Variants in GALNT17 observed in about 807,000 individuals in gnomAD.
GALNT17 encodes the protein polypeptide N-acetylgalactosaminyltransferase 17, also known as UDP-GalNAc:polypeptide N-acetylgalactosaminyltransferase-like 3.
In GALNT17, 29 loss-of-function variants were observed where a neutral mutation model predicts 63.7. The observed-to-expected ratio is 0.46, with a 90% confidence interval of 0.34 to 0.62. The LOEUF is 0.62. GALNT17 is among the 20% of genes least tolerant of loss of function. The probability of loss-of-function intolerance (pLI) is 0.01; values close to 1 mark genes in which losing one functional copy is unlikely to be tolerated. For missense variants in GALNT17, 603 were observed against 799.6 expected, an observed-to-expected ratio of 0.75 and a Z score of 2.97; for synonymous variants, 305 against 318.3, an observed-to-expected ratio of 0.96 and a Z score of 0.45.
chr7:71,388,295 G>A lies in GALNT17; in HGVS notation c.483G>A (p.Val161=). The A allele has an allele frequency of 1.2e-6, 2 of 1,613,984 alleles. No homozygotes were observed. The highest frequency in any genetic ancestry group is 1.7e-6 in the Non-Finnish European group (2 of 1,180,012). The change falls in exon 3 of 11, where the codon GTG becomes GTA. Residue 161 remains valine (V), a synonymous_variant. Transcript: ENST00000333538. ...AGATATCCATCATATTCATCTTCGT[G>A]AACGAGGCCCTGTCGGTGATCCTGC... ...LPQISIIFIF[V]NEALSVILRS...
At chr7:71,467,175 T>C (rs111317859) in intron 5 of GALNT17, among the ~76,000 whole-genome samples, 1,545 of 152,300 alleles carry the variant, frequency 0.01, 18 homozygotes, top group African/African-American at 0.035. Flanking sequence ...TAAGTCTAGT[T>C]CCTCTTTCAA....
intron 1 of GALNT17, among the ~76,000 whole-genome samples, chr7:71,242,139 C>T (rs1336554141): frequency 5.3e-5 from 8 of 151,852 alleles, no homozygotes; most frequent in Non-Finnish European, 8.8e-5. Context: ...GGAGCAAGAA[C>T]TTGCTCAATT....
At chr7:71,437,141 C>T (rs187847107) in intron 5 of GALNT17, among the ~76,000 whole-genome samples, 5 of 151,944 alleles carry the variant, frequency 3.3e-5, no homozygotes, top group East Asian at 1.9e-4. Context: ...CATGCAACCA[C>T]GGATGGTCAA....
At chr7:71,189,764 A>G (rs1209031301) in intron 1 of GALNT17, among the ~76,000 whole-genome samples, 4 of 151,452 alleles carry the variant, frequency 2.6e-5, no homozygotes, top group Admixed American at 2.0e-4. Context: ...CCTGTCCTGC[A>G]GGCTTGTTTG....
intron 3 of GALNT17, among the ~76,000 whole-genome samples, chr7:71,404,076 G>A (rs980360845): frequency 2.6e-5 from 4 of 152,194 alleles, no homozygotes; most frequent in Non-Finnish European, 4.4e-5. Context: ...AAATTGGGGA[G>A]ACAACTTGGA....
At chr7:71,229,548 A>G (rs1789748752) in intron 1 of GALNT17, among the ~76,000 whole-genome samples, 1 of 152,242 alleles carries the variant, frequency 6.6e-6, no homozygotes, top group East Asian at 1.9e-4. Context: ...GGCCAAAGCA[A>G]GGAAATCTAC....
At chr7:71,552,396 A>G (rs1584044477) in intron 5 of GALNT17, among the ~76,000 whole-genome samples, 1 of 149,410 alleles carries the variant, frequency 6.7e-6, no homozygotes, top group Non-Finnish European at 1.5e-5. Context: ...TGATACTTTT[A>G]GTTCTCCTAA....
At chr7:71,419,128 A>G (rs1454311826) in intron 4 of GALNT17, among the ~76,000 whole-genome samples, 1 of 152,198 alleles carries the variant, frequency 6.6e-6, no homozygotes, top group Non-Finnish European at 1.5e-5. Context: ...TTCTGCCTCC[A>G]TACTCAGTGA....
At chr7:71,345,793 G>A (rs957722294) in intron 2 of GALNT17, among the ~76,000 whole-genome samples, 4 of 152,102 alleles carry the variant, frequency 2.6e-5, no homozygotes, top group African/African-American at 9.7e-5. Context: ...TATAGTAGCT[G>A]CAGTGGAGCT....
In GALNT17 at chr7:71,236,205, AT is replaced by A. The variant is rs200723234; in HGVS notation, c.239-99344del. Among the ~76,000 whole-genome samples the A allele has an allele frequency of 2.5e-3, 384 of 151,710 alleles. 1 individual carries two copies. The highest frequency in any genetic ancestry group is 8.8e-3 in the African/African-American group (363 of 41,244). On this transcript the variant is annotated intron_variant, in intron 1 of 10. Coordinates refer to ENST00000333538, the MANE Select transcript of GALNT17 (RefSeq NM_022479.3). ...TCAAAAAAATTAAATAAAAAAAAAA[AT>A]AAAAATCTACTCTCTTAGGAAAAGA...
At chr7:71,191,034 T>C (rs991530535) in intron 1 of GALNT17, among the ~76,000 whole-genome samples, 1 of 152,190 alleles carries the variant, frequency 6.6e-6, no homozygotes, top group Non-Finnish European at 1.5e-5. Flanking sequence ...CTTGGAATTT[T>C]TTTCATTTTT....
chr7:71,556,935 T>G (rs1789173690), intron 5 of GALNT17, among the ~76,000 whole-genome samples: 1 of 151,784 alleles, frequency 6.6e-6, no homozygotes, highest in Admixed American at 6.6e-5. Context: ...TTTAACCTTT[T>G]TAAAGTGACC....
At chr7:71,525,018 G>A (rs896315889) in intron 5 of GALNT17, among the ~76,000 whole-genome samples, 1 of 152,008 alleles carries the variant, frequency 6.6e-6, no homozygotes, top group African/African-American at 2.4e-5. Flanking sequence ...TCTTTTATTG[G>A]TTTTTATCTT....
chr7:71,211,325 C>T (rs892149965), intron 1 of GALNT17, among the ~76,000 whole-genome samples: 2 of 152,168 alleles, frequency 1.3e-5, no homozygotes, highest in Non-Finnish European at 1.5e-5. Context: ...GCTTCTTCAT[C>T]GTTTTTCTCT....
chr7:71,510,742 G>A (rs1396805084), intron 5 of GALNT17, among the ~76,000 whole-genome samples: 1 of 152,122 alleles, frequency 6.6e-6, no homozygotes, highest in African/African-American at 2.4e-5. Context: ...TTAAGCTCCA[G>A]GGAGGCTGTT....
At chr7:71,255,551 C>T (rs1313461652) in intron 1 of GALNT17, among the ~76,000 whole-genome samples, 3 of 152,222 alleles carry the variant, frequency 2.0e-5, no homozygotes, top group African/African-American at 7.2e-5. Flanking sequence ...TCTGCCTCCC[C>T]TGAAGGAGTT....
chr7:71,391,258 G>A (rs1479621832), intron 3 of GALNT17, among the ~76,000 whole-genome samples: 1 of 152,180 alleles, frequency 6.6e-6, no homozygotes, highest in Non-Finnish European at 1.5e-5. Context: ...GGATTGGGGT[G>A]AAGACTCACT....
At chr7:71,204,759 T>A (rs2116376110) in intron 1 of GALNT17, among the ~76,000 whole-genome samples, 1 of 152,102 alleles carries the variant, frequency 6.6e-6, no homozygotes, top group East Asian at 1.9e-4. Context: ...TTGTTTTTGT[T>A]TTTTGAAACA....
intron 5 of GALNT17, among the ~76,000 whole-genome samples, chr7:71,478,185 G>A (rs1563122366): frequency 6.6e-6 from 1 of 152,120 alleles, no homozygotes; most frequent in Non-Finnish European, 1.5e-5. Flanking sequence ...AGCTGGGGGA[G>A]AAAAATAAAG....
Sources: gnomAD v4.1 joint callset for allele counts (sites outside exome capture counted in the v4.1 genomes callset) on GRCh38, gnomAD v4.1.1 for gene constraint, MANE v1.5 for transcripts, NCBI Gene and HGNC (gene_info 2026-07-23, HGNC 2026-07-21) for gene names.